TMTC4: variants seen among roughly 807,000 people sequenced by gnomAD.
TMTC4 encodes the protein transmembrane O-mannosyltransferase targeting cadherins 4, also known as protein O-mannosyl-transferase TMTC4.
Under a neutral mutation model 86.0 loss-of-function variants are expected in TMTC4, and 65 were observed. The ratio of observed to expected loss-of-function variants is 0.76; its 90% CI spans 0.62 to 0.93. The LOEUF (loss-of-function observed/expected upper bound fraction) is 0.93, where lower values mean the gene tolerates loss of function less well. Among genes scored for constraint, TMTC4 ranks in the 40% least tolerant of loss-of-function variants. TMTC4 has a pLI of 0.00. For synonymous variants in TMTC4, 379 were observed against 382.5 expected, an observed-to-expected ratio of 0.99 and a Z score of 0.11; for missense variants, 866 against 948.1, an observed-to-expected ratio of 0.91 and a Z score of 1.14.
chr13:100,633,299 A>AC (rs1338060370), intron 12 of TMTC4, among the ~76,000 whole-genome samples: 1 of 138,892 alleles, frequency 7.2e-6, no homozygotes, highest in Non-Finnish European at 1.5e-5. Context: ...ACAGAGCAAG[A>AC]CTCCATCTCA....
chr13:100,624,060 C>T (rs1880020471), intron 15 of TMTC4: 1 of 227,420 alleles, frequency 4.4e-6, no homozygotes, highest in Non-Finnish European at 8.9e-6. Context: ...GGCATGGTGG[C>T]TCATGCCTGT....
intron 6 of TMTC4, among the ~76,000 whole-genome samples, chr13:100,654,142 C>A (rs962774120): frequency 2.0e-5 from 3 of 152,220 alleles, no homozygotes; most frequent in Non-Finnish European, 2.9e-5. Flanking sequence ...ACCTATCTGT[C>A]TTTTAACTGC....
Position 100,664,740 on chromosome 13 carries a change from G to C in TMTC4, c.220-404C>G, listed in dbSNP as rs374455894. 2.8e-4 allele frequency among the ~76,000 whole-genome samples: 43 copies of C among 152,194 alleles called. No individual in the cohort carries two copies. The East Asian group carries it at 5.8e-3, about 21-fold the overall frequency. On this transcript the variant is annotated intron_variant, in intron 3 of 18. Coordinates refer to ENST00000342624, the MANE Select transcript of TMTC4 (RefSeq NM_032813.5). ...CCAGCTGCCTGGCTCTGCCCTTCCT[G>C]AGCTGATCCCATCCCTCTTCCATAG...
chr13:100,670,440 T>A lies in TMTC4; in HGVS notation c.-78A>T. 6.7e-7 allele frequency: 1 copy of A among 1,502,710 alleles called. No homozygotes were observed. The highest frequency in any genetic ancestry group is 9.1e-7 in the Non-Finnish European group (1 of 1,104,390). 93.1% of individuals were successfully genotyped at this position (1,502,710 alleles called of 1,614,324 possible). On this transcript the variant is annotated 5_prime_UTR_variant, in exon 2 of 19. Transcript: ENST00000342624. ...ATCCAGAGATGAAACAGGCCGCAACTCTTCCACTGCTTGTCTCTCGAGCCT... is the reference window on the plus strand; with the variant it reads ...ATCCAGAGATGAAACAGGCCGCAACACTTCCACTGCTTGTCTCTCGAGCCT...
At chr13:100,667,101 G>A (rs1886482287) in intron 3 of TMTC4, among the ~76,000 whole-genome samples, 1 of 152,208 alleles carries the variant, frequency 6.6e-6, no homozygotes, top group African/African-American at 2.4e-5. Flanking sequence ...TAACTGCTGA[G>A]TGAATCTGAG....
intron 3 of TMTC4, chr13:100,665,938 C>T (rs1003044064): frequency 4.5e-5 from 20 of 448,222 alleles, no homozygotes; most frequent in African/African-American, 3.4e-4. Flanking sequence ...CTGCTCCCTT[C>T]GTTGACTCAG....
chr13:100,634,653 T>C, intron 12 of TMTC4, 152 bp downstream of exon 12: 2 of 1,001,982 alleles, frequency 2.0e-6, no homozygotes. Context: ...ATCAAAATCA[T>C]TAAAAAAAAC....
rs74115020 is a variant in TMTC4 at position 100,672,785 on chromosome 13, C to G, written c.-208+1959G>C. On this transcript the variant is annotated intron_variant, in intron 1 of 18. Coordinates refer to ENST00000342624, the MANE Select transcript of TMTC4 (RefSeq NM_032813.5). ...GGGATTACAGGTGTGAACCACCGTGCCCGGCCTCCACCATTTTTTACAGTC... is the reference window on the plus strand; with the variant it reads ...GGGATTACAGGTGTGAACCACCGTGGCCGGCCTCCACCATTTTTTACAGTC... Among the ~76,000 whole-genome samples the G allele has an allele frequency of 9.1e-3, 1,382 of 152,248 alleles. 18 individuals are homozygous for G. Among genetic ancestry groups the G allele is most frequent in the African/African-American group, 0.031 (1,275 of 41,540 alleles).
At chr13:100,674,814 C>T (rs1566659716), upstream of TMTC4, 1 of 980,722 alleles carries the variant, frequency 1.0e-6, no homozygotes, top group Non-Finnish European at 1.2e-6. Flanking sequence ...CAGGCACCCG[C>T]CCGGACCTGG....
Position 100,604,949 on chromosome 13 carries a change from C to T in TMTC4, c.*45G>A. ...TAACCACATACTATTAATGATATGC[C>T]TCATGCACACACACACTCAAACTCA... On this transcript the variant is annotated 3_prime_UTR_variant, in exon 19 of 19. Coordinates refer to ENST00000342624, the MANE Select transcript of TMTC4 (RefSeq NM_032813.5). 8 of 1,595,624 alleles carry T rather than the reference C, an allele frequency of 5.0e-6. No individual in the cohort carries two copies. Among genetic ancestry groups the T allele is most frequent in the Middle Eastern group, 1.7e-4 (1 of 5,982 alleles).
chr13:100,624,595 CAAAA>C (rs869163798), intron 15 of TMTC4, among the ~76,000 whole-genome samples: 1 of 127,578 alleles, frequency 7.8e-6, no homozygotes, highest in Non-Finnish European at 1.7e-5. Flanking sequence ...AACAAACAAA[CAAAA>C]AACAAAACCA....
chr13:100,614,543 A>C, intron 15 of TMTC4, 113 bp from the exon 16 acceptor site: 1 of 771,978 alleles, frequency 1.3e-6, no homozygotes, highest in Non-Finnish European at 2.0e-6. Flanking sequence ...CAACAATAAA[A>C]AACCAAAACC....
rs1460014147 is a variant in TMTC4, at chr13:100,604,995, CA to C, written c.2281del (p.Ter761AspfsTer8). On this transcript the variant is annotated frameshift_variant and stop_lost, in exon 19 of 19. Coordinates refer to ENST00000342624, the MANE Select transcript of TMTC4 (RefSeq NM_032813.5). LOFTEE classifies it high-confidence loss of function. ...KLELMQKKAV* is the reference protein window; with the variant it reads ...KLELMQKKAVX ...ACTCAAAACATGAAGGAAACAGGATCAGACAGCTTTCTTTTGCATTAGTTCT... is the reference window on the plus strand; with the variant it reads ...ACTCAAAACATGAAGGAAACAGGATCGACAGCTTTCTTTTGCATTAGTTCT... 1 of 1,612,978 alleles carries C rather than the reference CA, an allele frequency of 6.2e-7. No homozygotes were observed.
intron 15 of TMTC4, 122 bp from the exon 16 acceptor site, chr13:100,614,552 C>G (rs1878175630): frequency 1.4e-6 from 1 of 714,604 alleles, no homozygotes; most frequent in Non-Finnish European, 2.2e-6. Context: ...AAAACCAAAA[C>G]CTAACTTTAA....
At chr13:100,626,407 C>A (rs1486173618) in intron 12 of TMTC4, among the ~76,000 whole-genome samples, 1 of 152,220 alleles carries the variant, frequency 6.6e-6, no homozygotes, top group East Asian at 1.9e-4. Context: ...CTAAAGACCT[C>A]ACCAGAGACA....
At chr13:100,674,533 T>C (rs1207732803) in intron 1 of TMTC4, 13 of 980,286 alleles carry the variant, frequency 1.3e-5, no homozygotes, top group Non-Finnish European at 1.6e-5. Context: ...TTGTCCCATG[T>C]GCGGCTCACA....
At chr13:100,637,848 G>A (rs1342251369) in intron 8 of TMTC4, 82 bp downstream of exon 8, 12 of 1,534,238 alleles carry the variant, frequency 7.8e-6, no homozygotes, top group Non-Finnish European at 1.1e-5. Context: ...AAAATCACAA[G>A]GAATATTTGA....
chr13:100,620,821 AT>A (rs1879353572), intron 15 of TMTC4, among the ~76,000 whole-genome samples: 1 of 151,958 alleles, frequency 6.6e-6, no homozygotes, highest in African/African-American at 2.4e-5. Flanking sequence ...CTAGAGAGTG[AT>A]TTCTTAAAAC....
chr13:100,609,843 CTAAG>C (rs1434070671), intron 17 of TMTC4, among the ~76,000 whole-genome samples: 5 of 152,092 alleles, frequency 3.3e-5, no homozygotes, highest in Non-Finnish European at 4.4e-5. Context: ...CCCAGAGAGG[CTAAG>C]TGACTGCTGT....
Sources: allele counts gnomAD v4.1 joint callset (sites outside exome capture counted in the v4.1 genomes callset), GRCh38; gene constraint gnomAD v4.1.1; transcripts MANE v1.5; gene names NCBI Gene and HGNC (gene_info 2026-07-23, HGNC 2026-07-21).